Variants in ERBIN observed in about 807,000 individuals in gnomAD.
The protein encoded by ERBIN is erbb2 interacting protein.
A neutral mutation model predicts 158.4 loss-of-function variants in ERBIN; 60 were observed. The ratio of observed to expected loss-of-function variants is 0.38; its 90% CI spans 0.31 to 0.47. The LOEUF is 0.47. Among genes scored for constraint, ERBIN ranks in the 20% least tolerant of loss-of-function variants. ERBIN has a pLI of 0.99. For synonymous variants in ERBIN, 594 were observed against 557.2 expected (o/e 1.07, Z -0.93); for missense variants, 1,610 against 1,648.0 (o/e 0.98, Z 0.40).
chr5:66,030,730 AT>A (rs1054507500), intron 14 of ERBIN, among the ~76,000 whole-genome samples: 22 of 147,202 alleles, frequency 1.5e-4, no homozygotes, highest in South Asian at 2.2e-4. Flanking sequence ...GCCCAGCTAA[AT>A]TTTTTTTTTT....
chr5:66,059,075 G>A (rs1416098550), intron 21 of ERBIN, among the ~76,000 whole-genome samples: 9 of 151,982 alleles, frequency 5.9e-5, no homozygotes, highest in Non-Finnish European at 8.8e-5. Flanking sequence ...TCTGTGAAGA[G>A]AGTCATTGGT....
intron 2 of ERBIN, among the ~76,000 whole-genome samples, chr5:65,989,387 G>T (rs1323562411): frequency 2.0e-5 from 3 of 152,080 alleles, no homozygotes; most frequent in Non-Finnish European, 4.4e-5. Context: ...TTTTTATATT[G>T]GCACCAGGCC....
intron 21 of ERBIN, chr5:66,055,171 A>C: frequency 1.8e-6 from 2 of 1,139,836 alleles, no homozygotes; most frequent in Non-Finnish European, 2.2e-6. Flanking sequence ...TTCTAACAAA[A>C]ATGTATTAAT....
At chr5:66,023,393 A>G (rs765974858) in intron 9 of ERBIN, 29 bp downstream of exon 9, 13 of 1,468,892 alleles carry the variant, frequency 8.9e-6, no homozygotes, top group South Asian at 2.4e-5. Flanking sequence ...AAATGGCATC[A>G]CTTATTTCTG....
At chr5:66,033,823 T>G (rs1188674132) in intron 14 of ERBIN, among the ~76,000 whole-genome samples, 1 of 152,048 alleles carries the variant, frequency 6.6e-6, no homozygotes, top group Non-Finnish European at 1.5e-5. Context: ...ATTAAGAATA[T>G]GAGGGTCTGG....
chr5:65,928,850 G>A (rs1049581251), intron 1 of ERBIN, among the ~76,000 whole-genome samples: 1 of 152,190 alleles, frequency 6.6e-6, no homozygotes, highest in Non-Finnish European at 1.5e-5. Context: ...GGTTTGAAAA[G>A]AGGTTAATAG....
At chr5:66,073,515 TC>T (rs1252770047) in intron 22 of ERBIN, among the ~76,000 whole-genome samples, 1 of 152,208 alleles carries the variant, frequency 6.6e-6, no homozygotes, top group Non-Finnish European at 1.5e-5. Context: ...CCATGTGTGT[TC>T]CTAGACTTCA....
intron 1 of ERBIN, among the ~76,000 whole-genome samples, chr5:65,970,938 T>G (rs1347900787): frequency 6.6e-6 from 1 of 152,180 alleles, no homozygotes; most frequent in East Asian, 1.9e-4. Context: ...TCTTTGTATC[T>G]TTAGTGTTCA....
Position 66,071,810 on chromosome 5 carries a change from C to T in ERBIN, c.3634-359C>T, listed in dbSNP as rs572414377. 8.1e-5 allele frequency among the ~76,000 whole-genome samples: 12 copies of T among 148,876 alleles called. 1 individual carries two copies. The highest frequency in any genetic ancestry group is 2.7e-4 in the African/African-American group (11 of 40,308). ...TGGTCTTAAAATTTGAGACTCTAAACTTTGATTAATAACTATATTTGTTGT... is the reference window on the plus strand; with the variant it reads ...TGGTCTTAAAATTTGAGACTCTAAATTTTGATTAATAACTATATTTGTTGT... On this transcript the variant is annotated intron_variant, in intron 21 of 25. Coordinates refer to ENST00000284037, the MANE Select transcript of ERBIN (RefSeq NM_001253697.2).
intron 1 of ERBIN, among the ~76,000 whole-genome samples, chr5:65,927,385 A>G (rs1010989238): frequency 6.6e-6 from 1 of 152,144 alleles, no homozygotes. Flanking sequence ...TTTCAGGGTG[A>G]GTAATATATT....
intron 1 of ERBIN, among the ~76,000 whole-genome samples, chr5:65,940,556 G>T (rs1475961268): frequency 1.5e-5 from 2 of 129,600 alleles, no homozygotes; most frequent in African/African-American, 6.1e-5. Flanking sequence ...CGCCCCGTCC[G>T]GGAGGTGAGG....
intron 15 of ERBIN, 43 bp from the exon 16 acceptor site, chr5:66,043,034 T>TA (rs1205852548): frequency 7.1e-7 from 1 of 1,418,182 alleles, no homozygotes; most frequent in Non-Finnish European, 9.8e-7. Flanking sequence ...TTTCCATAAT[T>TA]ACAGTAAAAT....
In ERBIN at chr5:66,079,741, A is replaced by G. The variant is rs1343643679; in HGVS notation, c.*1211A>G. 6.6e-6 allele frequency: 1 copy of G among 152,622 alleles called. No homozygotes were observed. Among genetic ancestry groups the G allele is most frequent in the Non-Finnish European group, 1.5e-5 (1 of 68,012 alleles). The allele number at this position is 152,622 out of a possible 1,614,324, so 9.5% of individuals were successfully genotyped here. On this transcript the variant is annotated 3_prime_UTR_variant, in exon 26 of 26. Coordinates refer to ENST00000284037, the MANE Select transcript of ERBIN (RefSeq NM_001253697.2). ...ATAAAGGGCTGTTTCTACAGGTAACATTAAATGTGAACTCAACACTTCCAG... is the reference window on the plus strand; with the variant it reads ...ATAAAGGGCTGTTTCTACAGGTAACGTTAAATGTGAACTCAACACTTCCAG...
intron 1 of ERBIN, among the ~76,000 whole-genome samples, chr5:65,951,819 A>G (rs1217231758): frequency 1.3e-5 from 2 of 152,232 alleles, no homozygotes; most frequent in African/African-American, 4.8e-5. Flanking sequence ...CCAAATTCAT[A>G]TAACAAATGA....
intron 18 of ERBIN, among the ~76,000 whole-genome samples, chr5:66,047,737 A>G (rs1758586029): frequency 6.6e-6 from 1 of 152,030 alleles, no homozygotes; most frequent in African/African-American, 2.4e-5. Flanking sequence ...TTTTTTAAAA[A>G]AAGGATGGTT....
intron 1 of ERBIN, among the ~76,000 whole-genome samples, chr5:65,971,350 AGCCCTT>A (rs2150986716): frequency 6.6e-6 from 1 of 152,084 alleles, no homozygotes; most frequent in Admixed American, 6.5e-5. Flanking sequence ...ATAGGTATTG[AGCCCTT>A]GAGCGTGGGT....
chr5:65,959,969 T>TA (rs1437829172), intron 1 of ERBIN, among the ~76,000 whole-genome samples: 3 of 152,222 alleles, frequency 2.0e-5, no homozygotes, highest in Non-Finnish European at 4.4e-5. Flanking sequence ...AAATTAAACA[T>TA]ACAGCTACAT....
chr5:65,988,944 C>T (rs1405709396), intron 2 of ERBIN, among the ~76,000 whole-genome samples: 1 of 136,044 alleles, frequency 7.4e-6, no homozygotes, highest in East Asian at 2.1e-4. Flanking sequence ...GATCGCACCA[C>T]TGCACTCCAG....
chr5:65,940,072 G>A (rs1238749669), intron 1 of ERBIN, among the ~76,000 whole-genome samples: 2 of 148,614 alleles, frequency 1.3e-5, no homozygotes. Flanking sequence ...GAGCGTCTCT[G>A]CCCGGCCGCC....
Sources: allele counts gnomAD v4.1 joint callset (sites outside exome capture counted in the v4.1 genomes callset), GRCh38; gene constraint gnomAD v4.1.1; transcripts MANE v1.5; gene names NCBI Gene and HGNC (gene_info 2026-07-23, HGNC 2026-07-21).